The following PARP8 variants were observed in gnomAD, a reference collection of about 807,000 sequenced individuals.
PARP8 encodes the protein protein mono-ADP-ribosyltransferase PARP8.
A neutral mutation model predicts 124.1 loss-of-function variants in PARP8; 51 were observed. That is an observed-to-expected ratio of 0.41 (90% CI 0.33 to 0.52). The LOEUF (loss-of-function observed/expected upper bound fraction) is 0.52. Ranked by LOEUF, PARP8 falls within the 20% of genes least tolerant of loss-of-function variation. The probability of loss-of-function intolerance (pLI) is 0.21; values close to 1 mark genes in which losing one functional copy is unlikely to be tolerated. For synonymous variants in PARP8, 391 were observed against 361.5 expected, an observed-to-expected ratio of 1.08 and a Z score of -0.93; for missense variants, 860 against 1,018.9, an observed-to-expected ratio of 0.84 and a Z score of 2.12.
chr5:50,835,899 A>G (rs1747527867), intron 25 of PARP8, among the ~76,000 whole-genome samples: 1 of 152,168 alleles, frequency 6.6e-6, no homozygotes, highest in South Asian at 2.1e-4. Flanking sequence ...CCCGTTTCCC[A>G]TGCTGTTCCC....
chr5:50,738,548 C>CT (rs1196725107), intron 2 of PARP8, among the ~76,000 whole-genome samples: 1 of 152,210 alleles, frequency 6.6e-6, no homozygotes, highest in Non-Finnish European at 1.5e-5. Flanking sequence ...ATCTCAAGCA[C>CT]TTTAACAGGT....
At position 50,829,975 on chromosome 5, in the gene PARP8, T is replaced by A. The variant is rs752255122; in HGVS notation, c.2233+14T>A. The A allele has an allele frequency of 6.2e-7, 1 of 1,601,160 alleles. No homozygotes were observed. The highest frequency in any genetic ancestry group is 1.1e-5 in the South Asian group (1 of 88,712). On this transcript the variant is annotated intron_variant, in intron 22 of 25. Transcript: ENST00000281631. ...TTGGTTACTCAGGTAATTCCTGTAT[T>A]TCATTTCTAAAGTCACATTTATTAG...
At chr5:50,828,751 A>G (rs1323874816) in intron 21 of PARP8, among the ~76,000 whole-genome samples, 1 of 150,834 alleles carries the variant, frequency 6.6e-6, no homozygotes, top group African/African-American at 2.4e-5. Flanking sequence ...ATATATATTT[A>G]TCCAGGCGTG....
In PARP8 at chr5:50,842,064, G is replaced by A; in HGVS notation, c.2561G>A (p.Gly854Asp). Residue 854 changes from glycine to aspartate, a missense_variant, in exon 26 of 26, where the codon GGT (glycine) becomes GAT (aspartate). Transcript: ENST00000281631. ...GTAATTGGTAATCAAACTGCTACTG[G>A]TTAAAGGACCACCATTTAATTAACA... The part of the protein sequence containing the change: ...LRVIGNQTAT[G>D] 6.3e-7 allele frequency: 1 copy of A among 1,588,172 alleles called. No homozygotes were observed. Among genetic ancestry groups the A allele is most frequent in the Non-Finnish European group, 8.6e-7 (1 of 1,162,264 alleles).
At chr5:50,837,568 C>G (rs1201547909) in intron 25 of PARP8, among the ~76,000 whole-genome samples, 1 of 151,878 alleles carries the variant, frequency 6.6e-6, no homozygotes, top group Admixed American at 6.6e-5. Context: ...ACATGGTTAC[C>G]TTTTTTAAAA....
Position 50,842,985 on chromosome 5 carries a change from T to C in PARP8, c.*917T>C, listed in dbSNP as rs1191640970. On this transcript the variant is annotated 3_prime_UTR_variant, in exon 26 of 26. Transcript: ENST00000281631. ...CCTCAGAATTTAAAGAAACCATATA[T>C]ATTTTTTATTTACTACAAAAAAATT... The C allele has an allele frequency of 3.3e-5, 5 of 151,748 alleles. No individual in the cohort carries two copies. 9.4% of individuals were successfully genotyped at this position (151,748 alleles called of 1,614,324 possible). A position where few individuals can be genotyped will look rare whatever the true frequency, so the allele number is the denominator to read the frequency against.
intron 6 of PARP8, 83 bp from the exon 7 acceptor site, chr5:50,763,065 C>A: frequency 1.0e-6 from 1 of 1,000,960 alleles, no homozygotes; most frequent in Non-Finnish European, 1.6e-6. Flanking sequence ...GCAAAATGCA[C>A]AGGGAGACCT....
chr5:50,781,912 C>T (rs535405457), intron 9 of PARP8, among the ~76,000 whole-genome samples: 1 of 152,238 alleles, frequency 6.6e-6, no homozygotes, highest in South Asian at 2.1e-4. Context: ...TATCTACCCT[C>T]GTCTCACTTG....
intron 2 of PARP8, among the ~76,000 whole-genome samples, chr5:50,683,790 T>A (rs1308383072): frequency 1.3e-5 from 2 of 152,200 alleles, no homozygotes; most frequent in African/African-American, 4.8e-5. Flanking sequence ...ACACATTACC[T>A]TCTCCGTTAA....
intron 2 of PARP8, among the ~76,000 whole-genome samples, chr5:50,710,257 T>C (rs904258041): frequency 1.3e-5 from 2 of 151,968 alleles, no homozygotes; most frequent in South Asian, 2.1e-4. Flanking sequence ...GCTGCTGTTA[T>C]CATAGGGAGA....
At chr5:50,809,362 A>T (rs1030868610) in intron 14 of PARP8, among the ~76,000 whole-genome samples, 3 of 152,112 alleles carry the variant, frequency 2.0e-5, no homozygotes, top group African/African-American at 7.2e-5. Flanking sequence ...ATAGGAATTT[A>T]TATTTACTCT....
chr5:50,701,824 T>C (rs1029479751), intron 2 of PARP8, among the ~76,000 whole-genome samples: 5 of 152,164 alleles, frequency 3.3e-5, no homozygotes, highest in Non-Finnish European at 7.4e-5. Flanking sequence ...AACATGGTTA[T>C]ATACAAGCAT....
Position 50,763,133 on chromosome 5 carries a change from A to G in PARP8, c.424-15A>G. 1 of 1,590,600 alleles carries G rather than the reference A, an allele frequency of 6.3e-7. No individual in the cohort carries two copies. The highest frequency in any genetic ancestry group is 8.6e-7 in the Non-Finnish European group (1 of 1,158,958). On this transcript the variant is annotated splice_polypyrimidine_tract_variant and intron_variant, in intron 6 of 25. Coordinates refer to ENST00000281631, the MANE Select transcript of PARP8 (RefSeq NM_024615.4). ...TTCACTTCTGAGACACTTTTAAATT[A>G]TCCCTTTTCATCAGGTGAACTATGA...
At chr5:50,817,820 A>G (rs1315087622) in intron 15 of PARP8, among the ~76,000 whole-genome samples, 3 of 152,134 alleles carry the variant, frequency 2.0e-5, no homozygotes, top group Admixed American at 6.5e-5. Context: ...ACTAAAGACT[A>G]ATGACCGAAT....
At chr5:50,832,891 G>A in intron 23 of PARP8, 37 bp downstream of exon 23, 2 of 1,581,600 alleles carry the variant, frequency 1.3e-6, no homozygotes, top group Non-Finnish European at 1.7e-6. Context: ...TATGATTAGT[G>A]AACTGTGGCC....
intron 21 of PARP8, 40 bp from the exon 22 acceptor site, chr5:50,829,852 T>C: frequency 1.3e-6 from 2 of 1,552,264 alleles, no homozygotes; most frequent in African/African-American, 1.4e-5. Context: ...ATTTAAACCA[T>C]GAACAGACCT....
At chr5:50,703,299 CA>C (rs34772044) in intron 2 of PARP8, among the ~76,000 whole-genome samples, 25,923 of 117,196 alleles carry the variant, frequency 0.22, 2,182 homozygotes, top group South Asian at 0.35. Flanking sequence ...GACCGTGTCT[CA>C]AAAAAAAAAA....
chr5:50,749,076 A>G (rs1208097486), intron 2 of PARP8, among the ~76,000 whole-genome samples: 1 of 152,126 alleles, frequency 6.6e-6, no homozygotes, highest in Non-Finnish European at 1.5e-5. Flanking sequence ...TAACTGTTTT[A>G]ACATTATGGT....
chr5:50,676,519 C>CT (rs1750658455), intron 2 of PARP8, among the ~76,000 whole-genome samples: 1 of 152,146 alleles, frequency 6.6e-6, no homozygotes, highest in Non-Finnish European at 1.5e-5. Flanking sequence ...ATTAGAAGTC[C>CT]GTCTTCCGTC....
Sources: allele counts gnomAD v4.1 joint callset (sites outside exome capture counted in the v4.1 genomes callset), GRCh38; gene constraint gnomAD v4.1.1; transcripts MANE v1.5; gene names NCBI Gene and HGNC (gene_info 2026-07-23, HGNC 2026-07-21).